The following STK10 variants were observed in gnomAD, a reference collection of about 807,000 sequenced individuals.
The protein encoded by STK10 is serine/threonine kinase 10.
STK10 carries 78 observed loss-of-function variants against 113.8 expected under a neutral mutation model. That is an observed-to-expected ratio of 0.69 (90% CI 0.57 to 0.83). The LOEUF (loss-of-function observed/expected upper bound fraction) is 0.83. STK10 is among the 40% of genes least tolerant of loss of function. STK10 has a pLI of 0.00. For synonymous variants in STK10, 465 were observed against 494.7 expected (o/e 0.94, Z 0.80); for missense variants, 1,109 against 1,280.1 (o/e 0.87, Z 2.04).
intron 3 of STK10, among the ~76,000 whole-genome samples, chr5:172,122,986 G>A (rs1171761024): frequency 2.0e-5 from 3 of 152,130 alleles, no homozygotes; most frequent in Admixed American, 6.5e-5. Context: ...ATCAGAACAG[G>A]CCCTGGATGT....
chr5:172,113,628 A>G (rs953996700), intron 4 of STK10, among the ~76,000 whole-genome samples: 3 of 152,228 alleles, frequency 2.0e-5, no homozygotes, highest in Non-Finnish European at 2.9e-5. Context: ...ATAAAAACTA[A>G]TATTGTCACC....
chr5:172,172,122 G>A (rs1208605867), intron 1 of STK10, among the ~76,000 whole-genome samples: 3 of 152,132 alleles, frequency 2.0e-5, no homozygotes, highest in African/African-American at 7.2e-5. Context: ...CCCAGGTGGT[G>A]GAGGTTGCAG....
intron 12 of STK10, among the ~76,000 whole-genome samples, chr5:172,066,951 G>T (rs145736627): frequency 6.6e-5 from 10 of 152,292 alleles, no homozygotes; most frequent in African/African-American, 2.4e-4. Flanking sequence ...ACTACCCACA[G>T]AAGATCAGAC....
chr5:172,144,374 G>A (rs965486553), intron 2 of STK10, among the ~76,000 whole-genome samples: 1 of 152,178 alleles, frequency 6.6e-6, no homozygotes, highest in Non-Finnish European at 1.5e-5. Context: ...GCGGTGCTGG[G>A]AACCTCCTTA....
intron 12 of STK10, among the ~76,000 whole-genome samples, chr5:172,081,185 T>C (rs1768419145): frequency 6.6e-6 from 1 of 151,952 alleles, no homozygotes; most frequent in Non-Finnish European, 1.5e-5. Flanking sequence ...ACCCCATCTC[T>C]ACCAAAAATA....
intron 3 of STK10, among the ~76,000 whole-genome samples, chr5:172,118,878 C>CAAAAAAATAAAAAA (rs1769443419): frequency 1.4e-5 from 1 of 71,310 alleles, no homozygotes; most frequent in African/African-American, 5.0e-5. Context: ...GACTCAGTCT[C>CAAAAAAATAAAAAA]AAAAAAAAAA....
Position 172,093,402 on chromosome 5 carries a change from G to A in STK10, c.1554+10C>T. The A allele has an allele frequency of 6.3e-7, 1 of 1,575,928 alleles. No homozygotes were observed. The highest frequency in any genetic ancestry group is 8.7e-7 in the Non-Finnish European group (1 of 1,154,834). The stretch of plus-strand genomic sequence containing the variant: ...TTGCTGCAAGCCCGTGGTGGCAGAG[G>A]CGGTGTTACCTTGATGGACAGAGAG... On this transcript the variant is annotated intron_variant, in intron 9 of 18. Coordinates refer to ENST00000176763, the MANE Select transcript of STK10 (RefSeq NM_005990.4). The surrounding 1 kb of genome is among the most constrained non-coding windows in gnomAD (Gnocchi z 4.1).
At position 172,096,563 on chromosome 5, in the gene STK10, GA is replaced by G; in HGVS notation, c.871-4del. On this transcript the variant is annotated splice_region_variant and splice_polypyrimidine_tract_variant and intron_variant, in intron 7 of 18. Coordinates refer to ENST00000176763, the MANE Select transcript of STK10 (RefSeq NM_005990.4). ...GTGATGCTGCTGACGAAGGGATGCT[GA>G]GGGGGCAAGATGCACCCAGATTAGA... The G allele has an allele frequency of 6.2e-7, 1 of 1,612,682 alleles. No individual in the cohort carries two copies. Among genetic ancestry groups the G allele is most frequent in the Non-Finnish European group, 8.5e-7 (1 of 1,180,014 alleles).
chr5:172,080,886 A>T (rs1431820592), intron 12 of STK10, among the ~76,000 whole-genome samples: 2 of 152,382 alleles, frequency 1.3e-5, no homozygotes, highest in South Asian at 4.1e-4. Flanking sequence ...TAGATGAAAC[A>T]GCTTTCTGTT....
intron 12 of STK10, among the ~76,000 whole-genome samples, chr5:172,070,403 G>A (rs1463895054): frequency 6.6e-6 from 1 of 151,804 alleles, no homozygotes; most frequent in African/African-American, 2.4e-5. Context: ...CTGGGTCAAA[G>A]AGGAAGTTGC....
chr5:172,169,766 C>T (rs1056401727), intron 1 of STK10, among the ~76,000 whole-genome samples: 9 of 152,086 alleles, frequency 5.9e-5, no homozygotes, highest in African/African-American at 2.4e-5. Context: ...TTACAGGAAT[C>T]GACCCCGCTC....
chr5:172,111,389 C>T (rs1284685506), intron 4 of STK10, among the ~76,000 whole-genome samples: 1 of 152,208 alleles, frequency 6.6e-6, no homozygotes, highest in Non-Finnish European at 1.5e-5. Flanking sequence ...AAACCACCAA[C>T]GTGCAATGAC....
intron 14 of STK10, among the ~76,000 whole-genome samples, chr5:172,059,853 A>C (rs777084180): frequency 2.2e-4 from 34 of 152,054 alleles, no homozygotes; most frequent in Non-Finnish European, 3.5e-4. Flanking sequence ...TTTTTCCTCA[A>C]TCAGCCCAGA....
intron 1 of STK10, among the ~76,000 whole-genome samples, chr5:172,181,132 C>T (rs1770848006): frequency 6.6e-6 from 1 of 152,220 alleles, no homozygotes; most frequent in African/African-American, 2.4e-5. Context: ...TGCACACACA[C>T]CTCCTTCCAC....
At chr5:172,185,324 A>C (rs1397770680) in intron 1 of STK10, among the ~76,000 whole-genome samples, 1 of 151,944 alleles carries the variant, frequency 6.6e-6, no homozygotes, top group Non-Finnish European at 1.5e-5. Context: ...GCTGGAGTGC[A>C]GTGGCGCTAT....
chr5:172,057,627 T>C (rs13157965), intron 14 of STK10, among the ~76,000 whole-genome samples, 154 bp from the exon 15 acceptor site: 34,135 of 152,152 alleles, frequency 0.22, 4,117 homozygotes, highest in Middle Eastern at 0.29. Context: ...CATTAGACCA[T>C]GTTGGCTGAT....
At chr5:172,141,258 A>G (rs1479128466) in intron 2 of STK10, among the ~76,000 whole-genome samples, 1 of 152,170 alleles carries the variant, frequency 6.6e-6, no homozygotes, top group Non-Finnish European at 1.5e-5. Context: ...GGGTAGTCTC[A>G]CGCTAAGTGT....
At chr5:172,123,499 A>G (rs773526958) in intron 3 of STK10, among the ~76,000 whole-genome samples, 2 of 152,116 alleles carry the variant, frequency 1.3e-5, no homozygotes, top group Non-Finnish European at 2.9e-5. Flanking sequence ...ATGCCTTTCC[A>G]TCTCTGATGC....
chr5:172,151,287 G>A (rs1770226398), intron 2 of STK10, among the ~76,000 whole-genome samples: 1 of 152,096 alleles, frequency 6.6e-6, no homozygotes, highest in African/African-American at 2.4e-5. Flanking sequence ...GGCAGGAGAC[G>A]GATTGCGAAC....
Sources: gnomAD v4.1 joint callset for allele counts (sites outside exome capture counted in the v4.1 genomes callset) on GRCh38, gnomAD v4.1.1 for gene constraint, Gnocchi (gnomAD v3.1) non-coding constraint, MANE v1.5 for transcripts, NCBI Gene and HGNC (gene_info 2026-07-23, HGNC 2026-07-21) for gene names.